BSN: variants seen among roughly 807,000 people sequenced by gnomAD.
BSN encodes the protein bassoon presynaptic cytomatrix protein.
Under a neutral mutation model 264.8 loss-of-function variants are expected in BSN, and 57 were observed. The observed-to-expected ratio is 0.22, with a 90% CI of 0.17 to 0.27. The LOEUF (loss-of-function observed/expected upper bound fraction) is 0.27, where lower values mean the gene tolerates loss of function less well. BSN is among the 10% of genes least tolerant of loss of function. The pLI is 1.00. For synonymous variants in BSN, 2,059 were observed against 2,137.3 expected, an observed-to-expected ratio of 0.96 and a Z score of 1.01; for missense variants, 4,615 against 5,232.5, an observed-to-expected ratio of 0.88 and a Z score of 3.64.
chr3:49,572,682 C>T (rs557924374), intron 1 of BSN, among the ~76,000 whole-genome samples: 75 of 152,252 alleles, frequency 4.9e-4, no homozygotes, highest in Middle Eastern at 6.8e-3. Context: ...TACAGTCACC[C>T]GCCACCACGC....
In BSN at chr3:49,658,182, G is replaced by A. The variant is rs2108091087; in HGVS notation, c.8626G>A (p.Gly2876Arg). The change falls in exon 5 of 12, where the codon GGA (glycine) becomes AGA (arginine). Residue 2876 changes from glycine to arginine, a missense_variant. Transcript: ENST00000296452. ...ERFSLYQHQG[G>R]LGSQVSALPP... ...ATTCTCCCTCTACCAGCACCAGGGG[G>A]GACTGGGTAGCCAGGTATGGGAACA... The A allele has an allele frequency of 6.4e-7, 1 of 1,569,578 alleles. No homozygotes were observed. Among genetic ancestry groups the A allele is most frequent in the East Asian group, 2.3e-5 (1 of 44,202 alleles).
chr3:49,652,984 C>G lies in BSN; in HGVS notation c.3428C>G (p.Pro1143Arg). The G allele has an allele frequency of 6.2e-7, 1 of 1,613,284 alleles. No homozygotes were observed. Among genetic ancestry groups the G allele is most frequent in the Non-Finnish European group, 8.5e-7 (1 of 1,179,742 alleles). ...DSEAEALDGG[P>R]SRLYKSGSEY... ...GAGGCTGAGGCCTTGGATGGTGGCC[C>G]TAGCCGGCTTTACAAGTCAGGCAGT... The change falls in exon 5 of 12, where the codon CCT (proline) becomes CGT (arginine). Residue 1143 changes from proline (P) to arginine (R), a missense_variant. Around this residue, in one of 3 missense-constraint regions of BSN, gnomAD observed 3,415 missense variants for 3,866.4 expected, o/e 0.88. Transcript: ENST00000296452.
At chr3:49,623,966 G>A (rs2052322773) in intron 1 of BSN, among the ~76,000 whole-genome samples, 1 of 152,150 alleles carries the variant, frequency 6.6e-6, no homozygotes, top group Non-Finnish European at 1.5e-5. Flanking sequence ...GTGCAGTCTG[G>A]GAGTCGGAAT....
chr3:49,559,805 CTG>C (rs764874504), intron 1 of BSN, among the ~76,000 whole-genome samples: 18 of 152,172 alleles, frequency 1.2e-4, no homozygotes, highest in Non-Finnish European at 2.4e-4. Context: ...TTCTTGTAAA[CTG>C]AGAATTCTGT....
chr3:49,624,112 TGCCTCA>T (rs1482596122), intron 1 of BSN, among the ~76,000 whole-genome samples: 2 of 150,890 alleles, frequency 1.3e-5, no homozygotes, highest in Non-Finnish European at 3.0e-5. Context: ...GCCATTCTTC[TGCCTCA>T]GCCTCCCAAG....
At chr3:49,597,784 A>G (rs933249191) in intron 1 of BSN, among the ~76,000 whole-genome samples, 3 of 151,720 alleles carry the variant, frequency 2.0e-5, no homozygotes, top group African/African-American at 7.3e-5. Flanking sequence ...CTGGGATTAC[A>G]GGCATCTGCC....
At chr3:49,610,532 C>T (rs1404255899) in intron 1 of BSN, among the ~76,000 whole-genome samples, 2 of 122,736 alleles carry the variant, frequency 1.6e-5, no homozygotes, top group East Asian at 2.5e-4. Context: ...TGCAGTGAGC[C>T]GAGATCACAC....
At chr3:49,645,225 A>C (rs1346981389) in intron 3 of BSN, among the ~76,000 whole-genome samples, 1 of 152,186 alleles carries the variant, frequency 6.6e-6, no homozygotes, top group Non-Finnish European at 1.5e-5. Context: ...TGCTCCTGAC[A>C]GCAGTCAGGG....
Position 49,643,025 on chromosome 3 carries a change from T to C in BSN, c.1391T>C (p.Ile464Thr). 1 of 1,614,064 alleles carries C rather than the reference T, an allele frequency of 6.2e-7. No individual in the cohort carries two copies. Among genetic ancestry groups the C allele is most frequent in the Non-Finnish European group, 8.5e-7 (1 of 1,180,020 alleles). ...KPKTMPKERA[I>T]CPLCQAELNV... Reference sequence around the variant, plus strand: ...AAGACCATGCCGAAGGAAAGGGCCATCTGCCCACTGTGCCAAGCCGAGCTC... The same window carrying C: ...AAGACCATGCCGAAGGAAAGGGCCACCTGCCCACTGTGCCAAGCCGAGCTC... Residue 464 changes from isoleucine to threonine, a missense_variant, in exon 3 of 12, where the codon ATC becomes ACC. Transcript: ENST00000296452.
intron 1 of BSN, among the ~76,000 whole-genome samples, chr3:49,620,876 C>T (rs2052300148): frequency 6.6e-6 from 1 of 151,984 alleles, no homozygotes; most frequent in African/African-American, 2.4e-5. Flanking sequence ...GTCCCAGCTA[C>T]ATTGCAGTGA....
At chr3:49,620,813 C>T (rs1164177170) in intron 1 of BSN, among the ~76,000 whole-genome samples, 2 of 152,192 alleles carry the variant, frequency 1.3e-5, no homozygotes, top group Non-Finnish European at 2.9e-5. Flanking sequence ...GGCGAAACTC[C>T]GACTCTACTA....
intron 1 of BSN, among the ~76,000 whole-genome samples, chr3:49,563,968 A>G (rs932717940): frequency 1.3e-5 from 2 of 152,140 alleles, no homozygotes; most frequent in Non-Finnish European, 2.9e-5. Context: ...TCACAGGTTT[A>G]GCAGGCGCTC....
rs545925871 is a variant in BSN at position 49,640,142 on chromosome 3, G to C, written c.634-2126G>C. 1.1e-4 allele frequency among the ~76,000 whole-genome samples: 17 copies of C among 152,364 alleles called. No homozygotes were observed. The East Asian group carries it at 3.3e-3, about 29-fold the overall frequency. Reference sequence around the variant, plus strand: ...CAATAGGGTGCATTTAGAACCTCTGGCTGCAACCACAGACAGAGAACAACC... The same window carrying C: ...CAATAGGGTGCATTTAGAACCTCTGCCTGCAACCACAGACAGAGAACAACC... On this transcript the variant is annotated intron_variant, in intron 2 of 11. Transcript: ENST00000296452.
intron 1 of BSN, among the ~76,000 whole-genome samples, chr3:49,599,206 G>A (rs573916548): frequency 6.6e-6 from 1 of 152,310 alleles, no homozygotes; most frequent in South Asian, 2.1e-4. Flanking sequence ...TGATGGAGCC[G>A]TTTGTTGCTT....
Position 49,625,078 on chromosome 3 carries a change from C to G in BSN, c.328C>G (p.Arg110Gly), listed in dbSNP as rs757868271. ...TACCACTCCTGGCCATGAGAGCCCC[C>G]GAGAGACAAGGGCACAGGGACCAGC... ...SATTPGHESP[R>G]ETRAQGPAGQ... Residue 110 changes from arginine to glycine, a missense_variant, in exon 2 of 12, where the codon CGA (arginine) becomes GGA (glycine). Around this residue, in one of 3 missense-constraint regions of BSN, gnomAD observed 1,197 missense variants for 1,348.0 expected, o/e 0.89. Transcript: ENST00000296452. This position sits in a 1 kb window ranked among gnomAD's most constrained non-coding sequence, Gnocchi z 4.4. 1.7e-5 allele frequency: 27 copies of G among 1,607,566 alleles called. No individual in the cohort carries two copies. The highest frequency in any genetic ancestry group is 2.7e-5 in the African/African-American group (2 of 74,590).
At position 49,656,182 on chromosome 3, in the gene BSN, C is replaced by A; in HGVS notation, c.6626C>A (p.Thr2209Asn). Reference protein sequence around the residue: ...NTPIAATLPITTQPASVLRPM... With the variant: ...NTPIAATLPINTQPASVLRPM... ...CCAATTGCTGCAACACTGCCCATCA[C>A]CACCCAGCCTGCCTCAGTCCTGCGG... is the stretch of plus-strand genomic sequence containing the variant. The change falls in exon 5 of 12, where the codon ACC (threonine) becomes AAC (asparagine). Residue 2209 changes from threonine (T) to asparagine (N), a missense_variant. Coordinates refer to ENST00000296452, the MANE Select transcript of BSN (RefSeq NM_003458.4). 2 of 1,612,316 alleles carry A rather than the reference C, an allele frequency of 1.2e-6. No individual in the cohort carries two copies. Among genetic ancestry groups the A allele is most frequent in the Non-Finnish European group, 1.7e-6 (2 of 1,179,492 alleles).
At chr3:49,577,472 G>A (rs2051854379) in intron 1 of BSN, among the ~76,000 whole-genome samples, 1 of 152,054 alleles carries the variant, frequency 6.6e-6, no homozygotes, top group Non-Finnish European at 1.5e-5. Context: ...CCCAGGCCAG[G>A]TCCTAGCCTT....
chr3:49,627,862 TGC>T (rs1355747491), intron 2 of BSN, among the ~76,000 whole-genome samples: 4 of 152,208 alleles, frequency 2.6e-5, no homozygotes, highest in African/African-American at 9.7e-5. Flanking sequence ...GTAGAGGTAC[TGC>T]CAGTCCCAGC....
rs1575422020 is a variant in BSN, at chr3:49,554,684, G to A, written c.82G>A (p.Gly28Ser). The A allele has an allele frequency of 9.5e-7, 1 of 1,054,778 alleles. No individual in the cohort carries two copies. The highest frequency in any genetic ancestry group is 1.1e-6 in the Non-Finnish European group (1 of 874,448). The allele number at this position is 1,054,778 out of a possible 1,614,324, so 65.3% of individuals were successfully genotyped here. Reference protein sequence around the residue: ...PGGAGPGPGPGPGPGAGKPPS... With the variant: ...PGGAGPGPGPSPGPGAGKPPS... ...CGGCGCCGGCCCCGGCCCGGGCCCC[G>A]GCCCCGGCCCCGGCGCAGGAAAGCC... Residue 28 changes from glycine (G) to serine (S), a missense_variant, in exon 1 of 12, where the codon GGC becomes AGC. Physicochemically the swap from Gly to Ser is moderately conservative, Grantham distance 56. This residue lies in a region of BSN where 1,197 missense variants were observed against 1,348.0 expected (regional missense o/e 0.89). Transcript: ENST00000296452.
Sources: allele counts gnomAD v4.1 joint callset (sites outside exome capture counted in the v4.1 genomes callset), GRCh38; gene constraint gnomAD v4.1.1; regional missense constraint gnomAD v4.1.1; non-coding constraint Gnocchi (gnomAD v3.1); transcripts MANE v1.5; gene names NCBI Gene and HGNC (gene_info 2026-07-23, HGNC 2026-07-21).